MAP7D1: variants seen among roughly 807,000 people sequenced by gnomAD.
MAP7D1 encodes the protein MAP7 domain containing 1, also known as MAP7 domain-containing protein 1.
MAP7D1 carries 30 observed loss-of-function variants against 97.5 expected under a neutral mutation model. The ratio of observed to expected loss-of-function variants is 0.31; its 90% CI spans 0.23 to 0.42. The LOEUF (loss-of-function observed/expected upper bound fraction) is 0.42. MAP7D1 is among the 10% of genes least tolerant of loss of function. The pLI is 1.00. For synonymous variants in MAP7D1, 536 were observed against 477.1 expected, an observed-to-expected ratio of 1.12 and a Z score of -1.61; for missense variants, 1,184 against 1,179.5, an observed-to-expected ratio of 1.00 and a Z score of -0.06.
rs1251214490 is a variant in MAP7D1, at chr1:36,178,675, C to T, written c.1887-10C>T. 1.3e-6 allele frequency: 2 copies of T among 1,528,922 alleles called. No individual in the cohort carries two copies. The highest frequency in any genetic ancestry group is 1.8e-6 in the Non-Finnish European group (2 of 1,137,830). 94.7% of individuals were successfully genotyped at this position (1,528,922 alleles called of 1,614,324 possible). ...GAGGCCGAGCCTGAGCCGTTTGCTC[C>T]GTCCCCCAGGCGAATGCGAGAGGAG... On this transcript the variant is annotated splice_polypyrimidine_tract_variant and intron_variant, in intron 10 of 16. Transcript: ENST00000474796.
intron 8 of MAP7D1, 181 bp from the exon 9 acceptor site, chr1:36,177,692 C>T: frequency 4.5e-6 from 4 of 894,694 alleles, no homozygotes; most frequent in Non-Finnish European, 6.8e-6. Flanking sequence ...CCCACAGAAA[C>T]ATGTCATTAC....
intron 1 of MAP7D1, among the ~76,000 whole-genome samples, chr1:36,167,202 C>T (rs1164509871): frequency 6.6e-6 from 1 of 152,126 alleles, no homozygotes; most frequent in Non-Finnish European, 1.5e-5. Flanking sequence ...GGCACTCCAG[C>T]GCTGAGAGGT....
Position 36,172,541 on chromosome 1 carries a change from C to A in MAP7D1, c.538C>A (p.Arg180Ser). ...GGAGAAGCAGCTCCAGGAGCGCCGG[C>A]GCCGGCTGGAGGAGCAACGTCTTAA... The part of the protein sequence containing the change: ...LREKQLQERR[R>S]RLEEQRLKAE... Residue 180 changes from arginine to serine, a missense_variant, in exon 4 of 17, where the codon CGC becomes AGC. Transcript: ENST00000474796. The A allele has an allele frequency of 1.9e-6, 3 of 1,603,062 alleles. No homozygotes were observed. Among genetic ancestry groups the A allele is most frequent in the Non-Finnish European group, 2.6e-6 (3 of 1,171,948 alleles).
chr1:36,178,932 C>T lies in MAP7D1; in HGVS notation c.2037C>T (p.Ala679=), dbSNP rs1027606843. 1.0e-5 allele frequency: 16 copies of T among 1,555,254 alleles called. No homozygotes were observed. Among genetic ancestry groups the T allele is most frequent in the African/African-American group, 2.7e-5 (2 of 73,190 alleles). The change falls in exon 12 of 17, where the codon GCC becomes GCT. Residue 679 remains alanine, a synonymous_variant. Coordinates refer to ENST00000474796, the MANE Select transcript of MAP7D1 (RefSeq NM_001388490.1). ...GGGGTCTTTGGCAGAAAGAGGAGGC[C>T]GAAGCTCGGTCGCGGGAAGAGGCGG... ...QERLQKQKEE[A]EARSREEAER...
At chr1:36,175,142 C>T (rs1463392865) in intron 6 of MAP7D1, 134 bp downstream of exon 6, 4 of 659,498 alleles carry the variant, frequency 6.1e-6, no homozygotes, top group Non-Finnish European at 1.1e-5. Flanking sequence ...TCTACCTTAC[C>T]CAGGGCTCTG....
At position 36,156,441 on chromosome 1, in the gene MAP7D1, G is replaced by A. The variant is rs1422560371; in HGVS notation, c.24G>A (p.Glu8=). MESGPRA[E]LGAGAPPAVV... ...CCATGGAGAGCGGCCCGCGTGCGGAGCTGGGGGCGGGCGCACCCCCAGGTA... is the reference window on the plus strand; with the variant it reads ...CCATGGAGAGCGGCCCGCGTGCGGAACTGGGGGCGGGCGCACCCCCAGGTA... Residue 8 remains glutamate, a synonymous_variant, in exon 1 of 17, where the codon GAG becomes GAA. Coordinates refer to ENST00000474796, the MANE Select transcript of MAP7D1 (RefSeq NM_001388490.1). 5 of 1,476,090 alleles carry A rather than the reference G, an allele frequency of 3.4e-6. No individual in the cohort carries two copies. Among genetic ancestry groups the A allele is most frequent in the Admixed American group, 2.5e-5 (1 of 40,772 alleles). 91.4% of individuals were successfully genotyped at this position (1,476,090 alleles called of 1,614,324 possible). A position where few individuals can be genotyped will look rare whatever the true frequency, so the allele number is the denominator to read the frequency against.
chr1:36,171,036 C>A lies in MAP7D1; in HGVS notation c.112C>A (p.Pro38Thr), dbSNP rs774690831. 8 of 1,570,470 alleles carry A rather than the reference C, an allele frequency of 5.1e-6. No individual in the cohort carries two copies. The highest frequency in any genetic ancestry group is 1.7e-6 in the Non-Finnish European group (2 of 1,148,138). The change falls in exon 2 of 17, where the codon CCA becomes ACA. Residue 38 changes from proline to threonine, a missense_variant. Transcript: ENST00000474796. ...AGAAGGTGACCCTTCCCCCCCACCACCACCAATGTCAGCCCTGGTCCCCGA... is the reference window on the plus strand; with the variant it reads ...AGAAGGTGACCCTTCCCCCCCACCAACACCAATGTCAGCCCTGGTCCCCGA... ...SPEGDPSPPP[P>T]PMSALVPDTP...
intron 1 of MAP7D1, among the ~76,000 whole-genome samples, chr1:36,170,283 C>T (rs958258759): frequency 7.2e-5 from 11 of 152,148 alleles, no homozygotes; most frequent in South Asian, 6.2e-4. Context: ...GCAGAAATTT[C>T]GGTGTGGCTT....
chr1:36,172,649 A>G, intron 4 of MAP7D1, 22 bp downstream of exon 4: 1 of 1,542,892 alleles, frequency 6.5e-7, no homozygotes. Context: ...GTCTCCGTGA[A>G]TCCATGTACA....
At position 36,179,865 on chromosome 1, in the gene MAP7D1, C is replaced by T. The variant is rs370208006; in HGVS notation, c.2319-9C>T. 9 of 1,608,568 alleles carry T rather than the reference C, an allele frequency of 5.6e-6. No individual in the cohort carries two copies. In the African/African-American group the frequency reaches 1.2e-4, roughly 21 times the overall value. On this transcript the variant is annotated splice_polypyrimidine_tract_variant and intron_variant, in intron 15 of 16. Coordinates refer to ENST00000474796, the MANE Select transcript of MAP7D1 (RefSeq NM_001388490.1). Reference sequence around the variant, plus strand: ...GTGAGGTGCTGAGCCTTGGCCTCTGCATCCACAGTCTCCCAAGCAAGGAGT... The same window carrying T: ...GTGAGGTGCTGAGCCTTGGCCTCTGTATCCACAGTCTCCCAAGCAAGGAGT...
Position 36,171,257 on chromosome 1 carries a change from G to A in MAP7D1, c.333G>A (p.Arg111=), listed in dbSNP as rs767094588. The A allele has an allele frequency of 5.0e-6, 8 of 1,597,160 alleles. No individual in the cohort carries two copies. In the South Asian group the frequency reaches 7.9e-5, roughly 16 times the overall value. The change falls in exon 2 of 17, where the codon AGG becomes AGA. Residue 111 remains arginine (R), a synonymous_variant. Transcript: ENST00000474796. ...CACGGGATGCCAGACCTCCTCGAAG[G>A]AGCAGCCAGCCATCTCCAACAGCAG... ...MGPRDARPPR[R]SSQPSPTAVP...
Position 36,159,335 on chromosome 1 carries a change from C to T in MAP7D1, c.46+2872C>T, listed in dbSNP as rs1427528669. Reference sequence around the variant, plus strand: ...CCTCCCAAAGCGCTGGGATTACAGGCGTGAGCCACCACCCCCAGCCTAGCT... The same window carrying T: ...CCTCCCAAAGCGCTGGGATTACAGGTGTGAGCCACCACCCCCAGCCTAGCT... On this transcript the variant is annotated intron_variant, in intron 1 of 16. Transcript: ENST00000474796. The surrounding 1 kb of genome is among the most constrained non-coding windows in gnomAD (Gnocchi z 5.4). Among the ~76,000 whole-genome samples the T allele has an allele frequency of 6.6e-6, 1 of 152,194 alleles. No homozygotes were observed. Among genetic ancestry groups the T allele is most frequent in the African/African-American group, 2.4e-5 (1 of 41,436 alleles).
At chr1:36,160,723 G>A (rs967075094) in intron 1 of MAP7D1, among the ~76,000 whole-genome samples, 2 of 152,360 alleles carry the variant, frequency 1.3e-5, no homozygotes, top group African/African-American at 4.8e-5. Flanking sequence ...ACAAGGTCTG[G>A]CCTGCTTCCC....
chr1:36,176,911 T>TGGGTGA lies in MAP7D1; in HGVS notation c.1379+69_1379+70insGGGTGA. The TGGGTGA allele has an allele frequency of 7.4e-7, 1 of 1,346,122 alleles. No homozygotes were observed. Among genetic ancestry groups the TGGGTGA allele is most frequent in the Non-Finnish European group, 1.0e-6 (1 of 973,262 alleles). 83.4% of individuals were successfully genotyped at this position (1,346,122 alleles called of 1,614,324 possible). A position where few individuals can be genotyped will look rare whatever the true frequency, so the allele number is the denominator to read the frequency against. On this transcript the variant is annotated intron_variant, in intron 8 of 16. Transcript: ENST00000474796. The surrounding 1 kb of genome is among the most constrained non-coding windows in gnomAD (Gnocchi z 6.1). ...TTTATTCATCACCCACAAATATTTG[T>TGGGTGA]TGGGCAACCACCTCTAGAATGCAAC...
intron 4 of MAP7D1, 115 bp from the exon 5 acceptor site, chr1:36,173,249 G>T (rs1030109247): frequency 2.7e-6 from 2 of 742,530 alleles, no homozygotes; most frequent in South Asian, 1.7e-5. Context: ...GTCAGGAAAA[G>T]ACTCCAAGGG....
At chr1:36,175,048 G>A (rs1385785942) in intron 6 of MAP7D1, 40 bp downstream of exon 6, 2 of 1,386,578 alleles carry the variant, frequency 1.4e-6, no homozygotes, top group East Asian at 2.3e-5. Context: ...AGAGCCCCTT[G>A]TAGCTCCCAC....
intron 1 of MAP7D1, among the ~76,000 whole-genome samples, chr1:36,169,271 C>T (rs1219409942): frequency 6.1e-5 from 9 of 146,616 alleles, no homozygotes; most frequent in Middle Eastern, 4.1e-3. Context: ...AAAAAAAGGC[C>T]GGGCGCGGTG....
At chr1:36,171,366 G>A (rs1644540977) in intron 2 of MAP7D1, 51 bp downstream of exon 2, 2 of 1,544,324 alleles carry the variant, frequency 1.3e-6, no homozygotes, top group Non-Finnish European at 8.8e-7. Context: ...TCAGGGTCCT[G>A]GCCCTGGATC....
intron 5 of MAP7D1, 128 bp from the exon 6 acceptor site, chr1:36,174,770 C>T (rs1307911352): frequency 1.1e-5 from 3 of 270,950 alleles, no homozygotes; most frequent in East Asian, 1.1e-4. Context: ...GCCTCCTGCT[C>T]CTCATCCTAG....
Sources: allele counts gnomAD v4.1 joint callset (sites outside exome capture counted in the v4.1 genomes callset), GRCh38; gene constraint gnomAD v4.1.1; non-coding constraint Gnocchi (gnomAD v3.1); transcripts MANE v1.5; gene names NCBI Gene and HGNC (gene_info 2026-07-23, HGNC 2026-07-21).